TPCN2: variants seen among roughly 807,000 people sequenced by gnomAD.
The protein encoded by TPCN2 is two pore channel protein 2.
Under a neutral mutation model 111.4 loss-of-function variants are expected in TPCN2, and 92 were observed. The observed-to-expected ratio is 0.83, with a 90% CI of 0.70 to 0.98. TPCN2 has a LOEUF of 0.98. TPCN2 is among the 50% of genes least tolerant of loss of function. The pLI, the probability that TPCN2 is intolerant of heterozygous loss-of-function variation, is 0.00. For synonymous variants in TPCN2, 405 were observed against 414.5 expected, an observed-to-expected ratio of 0.98 and a Z score of 0.28; for missense variants, 995 against 980.1, an observed-to-expected ratio of 1.02 and a Z score of -0.20.
Position 69,071,962 on chromosome 11 carries a change from AC to A in TPCN2, c.1003del (p.Arg335GlyfsTer23). On this transcript the variant is annotated frameshift_variant, in exon 11 of 25. Coordinates refer to ENST00000294309, the MANE Select transcript of TPCN2 (RefSeq NM_139075.4). LOFTEE classifies it high-confidence loss of function. ...QTSLFRRRLGTRAAFEVLSSM... is the reference protein window; with the variant it reads ...QTSLFRRRLGXRAAFEVLSSM... Reference sequence around the variant, plus strand: ...CTCGCTGTTTCGGAGGCGGCTGGGAACCCGGGCTGCCTTTGAAGTCCTATCC... The same window carrying A: ...CTCGCTGTTTCGGAGGCGGCTGGGAACCGGGCTGCCTTTGAAGTCCTATCC... The A allele has an allele frequency of 6.2e-7, 1 of 1,613,806 alleles. No individual in the cohort carries two copies. Among genetic ancestry groups the A allele is most frequent in the Non-Finnish European group, 8.5e-7 (1 of 1,179,852 alleles).
chr11:69,079,964 C>CA, intron 17 of TPCN2, 81 bp downstream of exon 17: 1 of 1,378,620 alleles, frequency 7.3e-7, no homozygotes, highest in Non-Finnish European at 1.0e-6. Flanking sequence ...TCAGTGGTGT[C>CA]CAGGGGGCTG....
rs746544529 is a variant in TPCN2, at chr11:69,081,504, G to T, written c.1689+5G>T. 1 of 1,549,650 alleles carries T rather than the reference G, an allele frequency of 6.5e-7. No individual in the cohort carries two copies. Among genetic ancestry groups the T allele is most frequent in the Non-Finnish European group, 8.7e-7 (1 of 1,145,344 alleles). ...CGTATCATCCCCAGCATGAAGGTGT[G>T]TGCCGGCCCCACCCCCACTCGCCCC... On this transcript the variant is annotated splice_donor_5th_base_variant and intron_variant, in intron 18 of 24. Transcript: ENST00000294309.
intron 19 of TPCN2, among the ~76,000 whole-genome samples, chr11:69,084,438 A>G (rs567951761): frequency 6.2e-4 from 95 of 152,336 alleles, no homozygotes; most frequent in Admixed American, 1.4e-3. Context: ...GAGGAATTTC[A>G]GGGACTCACA....
chr11:69,079,051 A>C (rs7124310), intron 16 of TPCN2, 31 bp downstream of exon 16: 1,556,363 of 1,585,010 alleles, frequency 0.98, 765,631 homozygotes, highest in Non-Finnish European at 1. Context: ...GCCGGCCTCT[A>C]CTGGGCGGGT....
intron 13 of TPCN2, among the ~76,000 whole-genome samples, chr11:69,076,713 A>T: frequency 8.8e-5 from 1 of 11,368 alleles, no homozygotes; most frequent in Non-Finnish European, 2.1e-4. Context: ...GTGTCCCTCC[A>T]CCTGCCCTCC....
At chr11:69,058,654 G>A (rs1390146849) in intron 5 of TPCN2, among the ~76,000 whole-genome samples, 2 of 152,210 alleles carry the variant, frequency 1.3e-5, no homozygotes, top group African/African-American at 4.8e-5. Flanking sequence ...GCTGGAATGG[G>A]CGGCATCGCA....
At chr11:69,053,985 G>A in intron 1 of TPCN2, 48 bp from the exon 2 acceptor site, 1 of 1,520,308 alleles carries the variant, frequency 6.6e-7, no homozygotes, top group Non-Finnish European at 9.1e-7. Context: ...TGGAGGGTGA[G>A]GCCATGTCAT....
rs759456853 is a variant in TPCN2 at position 69,071,907 on chromosome 11, G to A, written c.961-16G>A. 6 of 1,612,518 alleles carry A rather than the reference G, an allele frequency of 3.7e-6. No homozygotes were observed. In the African/African-American group the frequency reaches 5.3e-5, roughly 14 times the overall value. ...GGGAGGGCTGATCCTGCCGTTCATA[G>A]CCTTCCTCTTTGCAGAAATCTCTCC... On this transcript the variant is annotated splice_polypyrimidine_tract_variant and intron_variant, in intron 10 of 24. Coordinates refer to ENST00000294309, the MANE Select transcript of TPCN2 (RefSeq NM_139075.4).
chr11:69,072,382 G>C (rs923491419), intron 11 of TPCN2, among the ~76,000 whole-genome samples: 2 of 152,124 alleles, frequency 1.3e-5, no homozygotes, highest in Non-Finnish European at 2.9e-5. Context: ...TGAGGGCAGA[G>C]AGCTTGAGGG....
chr11:69,085,108 G>C, intron 19 of TPCN2, 102 bp from the exon 20 acceptor site: 1 of 1,126,206 alleles, frequency 8.9e-7, no homozygotes, highest in Middle Eastern at 2.0e-4. Flanking sequence ...AGAGGGTCCT[G>C]GCCTCACAGT....
Position 69,088,324 on chromosome 11 carries a change from C to G in TPCN2, c.*371C>G. 1 of 241,878 alleles carries G rather than the reference C, an allele frequency of 4.1e-6. No homozygotes were observed. The highest frequency in any genetic ancestry group is 8.2e-6 in the Non-Finnish European group (1 of 121,810). 15.0% of individuals were successfully genotyped at this position (241,878 alleles called of 1,614,324 possible). A position where few individuals can be genotyped will look rare whatever the true frequency, so the allele number is the denominator to read the frequency against. On this transcript the variant is annotated 3_prime_UTR_variant, in exon 25 of 25. Transcript: ENST00000294309. Reference sequence around the variant, plus strand: ...AGCCCTTGGGGACCACAGGCCTGACCAGGGCCTGCACAGGTTAACCGTCAG... The same window carrying G: ...AGCCCTTGGGGACCACAGGCCTGACGAGGGCCTGCACAGGTTAACCGTCAG...
intron 22 of TPCN2, 68 bp from the exon 23 acceptor site, chr11:69,086,455 T>A: frequency 7.7e-7 from 1 of 1,297,914 alleles, no homozygotes; most frequent in Non-Finnish European, 1.1e-6. Flanking sequence ...CACGCAGCAG[T>A]GGTGTTTGTA....
chr11:69,048,946 C>T lies in TPCN2; in HGVS notation c.-52C>T. The T allele has an allele frequency of 1.7e-6, 2 of 1,157,180 alleles. No homozygotes were observed. Among genetic ancestry groups the T allele is most frequent in the Non-Finnish European group, 2.2e-6 (2 of 917,102 alleles). The allele number at this position is 1,157,180 out of a possible 1,614,324, so 71.7% of individuals were successfully genotyped here. A position where few individuals can be genotyped will look rare whatever the true frequency, so the allele number is the denominator to read the frequency against. Reference sequence around the variant, plus strand: ...TCCGCGCCTGCGCAGTGAAGCTGGGCGCCTTCGGGGCTTGAGCTTCTGAGG... The same window carrying T: ...TCCGCGCCTGCGCAGTGAAGCTGGGTGCCTTCGGGGCTTGAGCTTCTGAGG... On this transcript the variant is annotated 5_prime_UTR_variant, in exon 1 of 25. Transcript: ENST00000294309.
rs1009323744 is a variant in TPCN2 at position 69,081,414 on chromosome 11, T to C, written c.1604T>C (p.Val535Ala). ...LPHPGWRPEMVGLLSLWDMTR... is the reference protein window; with the variant it reads ...LPHPGWRPEMAGLLSLWDMTR... Reference sequence around the variant, plus strand: ...TCTCTCCCCAGGAGGCCGGAGATGGTGGGCCTGCTGTCGCTGTGGGACATG... The same window carrying C: ...TCTCTCCCCAGGAGGCCGGAGATGGCGGGCCTGCTGTCGCTGTGGGACATG... The change falls in exon 18 of 25, where the codon GTG becomes GCG. Residue 535 changes from valine to alanine, a missense_variant. Val to Ala is a moderately conservative substitution (Grantham distance 64). Transcript: ENST00000294309. 3.9e-6 allele frequency: 6 copies of C among 1,555,498 alleles called. No individual in the cohort carries two copies. The highest frequency in any genetic ancestry group is 5.2e-6 in the Non-Finnish European group (6 of 1,150,604).
chr11:69,073,576 C>T (rs1228044775), intron 13 of TPCN2, among the ~76,000 whole-genome samples: 1 of 152,366 alleles, frequency 6.6e-6, no homozygotes, highest in African/African-American at 2.4e-5. Context: ...TTCTGTGTCA[C>T]TTTTCTCGTT....
Position 69,072,481 on chromosome 11 carries a change from C to G in TPCN2, c.1062-146C>G. On this transcript the variant is annotated intron_variant, in intron 11 of 24. Transcript: ENST00000294309. ...GGGGGGACGGCAGTGGCAGGATGCTCGTTACAGGGGCTCTTGGTGTGGCTC... is the reference window on the plus strand; with the variant it reads ...GGGGGGACGGCAGTGGCAGGATGCTGGTTACAGGGGCTCTTGGTGTGGCTC... The G allele has an allele frequency of 1.3e-5, 9 of 712,138 alleles. 1 individual carries two copies. The South Asian group carries it at 1.7e-4, about 13-fold the overall frequency. 44.1% of individuals were successfully genotyped at this position (712,138 alleles called of 1,614,324 possible).
chr11:69,072,058 G>A, intron 11 of TPCN2, 35 bp downstream of exon 11: 1 of 1,572,992 alleles, frequency 6.4e-7, no homozygotes, highest in Non-Finnish European at 8.7e-7. Flanking sequence ...TCTCCCTGAG[G>A]GTGGGTGCTG....
intron 16 of TPCN2, 121 bp downstream of exon 16, chr11:69,079,141 T>C (rs1319445786): frequency 1.5e-6 from 2 of 1,324,894 alleles, no homozygotes; most frequent in African/African-American, 2.9e-5. Context: ...GGTGGGCTTC[T>C]GCTCTCAGTG....
chr11:69,064,622 G>A (rs1855182083), intron 7 of TPCN2, among the ~76,000 whole-genome samples: 1 of 152,226 alleles, frequency 6.6e-6, no homozygotes, highest in African/African-American at 2.4e-5. Flanking sequence ...CATCCTTCTT[G>A]GGGCTGGGGC....
Sources: allele counts gnomAD v4.1 joint callset (sites outside exome capture counted in the v4.1 genomes callset), GRCh38; gene constraint gnomAD v4.1.1; transcripts MANE v1.5; gene names NCBI Gene and HGNC (gene_info 2026-07-23, HGNC 2026-07-21).